The following PPARGC1A variants were observed in gnomAD, a reference collection of about 807,000 sequenced individuals.
PPARGC1A encodes the protein PPARG coactivator 1 alpha.
In PPARGC1A, 25 loss-of-function variants were observed where a neutral mutation model predicts 88.7. The observed-to-expected ratio is 0.28, with a 90% CI of 0.21 to 0.39. PPARGC1A has a LOEUF of 0.39. Ranked by LOEUF, PPARGC1A falls within the 10% of genes least tolerant of loss-of-function variation. The pLI, the probability that PPARGC1A is intolerant of heterozygous loss-of-function variation, is 1.00. For missense variants in PPARGC1A, 880 were observed against 968.7 expected (o/e 0.91, Z 1.22); for synonymous variants, 363 against 355.6 (o/e 1.02, Z -0.24).
the PPARGC1A span, among the ~76,000 whole-genome samples, chr4:23,951,428 C>G: frequency 3.3e-5 from 5 of 151,980 alleles, no homozygotes; most frequent in Non-Finnish European, 7.4e-5. Flanking sequence ...AACAACTCAC[C>G]CATGAATAGG....
the PPARGC1A span, among the ~76,000 whole-genome samples, chr4:23,950,782 C>T: frequency 6.6e-6 from 1 of 152,064 alleles, no homozygotes; most frequent in African/African-American, 2.4e-5. Context: ...ACTTAATCTG[C>T]CCTTTAGTCT....
intron 2 of PPARGC1A, among the ~76,000 whole-genome samples, chr4:23,844,854 TAATATATGATATATATTATATAC>T (rs1728001181): frequency 8.5e-6 from 1 of 117,584 alleles, no homozygotes; most frequent in Non-Finnish European, 1.7e-5. Flanking sequence ...TATATTATTA[TAATATATGATATATATTATATAC>T]ACACACACAC....
At chr4:24,186,443 C>A in the PPARGC1A span, among the ~76,000 whole-genome samples, 2 of 152,058 alleles carry the variant, frequency 1.3e-5, no homozygotes, top group African/African-American at 4.8e-5. Context: ...GGTTCAAATC[C>A]ATAATGTGCC....
chr4:24,280,619 C>T, the PPARGC1A span, among the ~76,000 whole-genome samples: 2 of 152,120 alleles, frequency 1.3e-5, no homozygotes, highest in African/African-American at 2.4e-5. Flanking sequence ...AAATAGTGGT[C>T]GGGAAGATAA....
the PPARGC1A span, among the ~76,000 whole-genome samples, chr4:24,286,136 T>C: frequency 1.3e-5 from 2 of 149,112 alleles, no homozygotes; most frequent in Non-Finnish European, 3.0e-5. Context: ...GGTGGGAAAA[T>C]ACCCACTACG....
At chr4:24,294,835 T>A in the PPARGC1A span, among the ~76,000 whole-genome samples, 1 of 152,222 alleles carries the variant, frequency 6.6e-6, no homozygotes, top group Non-Finnish European at 1.5e-5. Flanking sequence ...GCAAATCGTA[T>A]CCATAACTCT....
At chr4:23,913,183 T>C in the PPARGC1A span, among the ~76,000 whole-genome samples, 17,472 of 142,522 alleles carry the variant, frequency 0.12, 3,690 homozygotes, top group African/African-American at 0.43. Context: ...ATATATATCA[T>C]ATTATATATG....
At chr4:23,930,730 C>G in the PPARGC1A span, among the ~76,000 whole-genome samples, 1 of 152,254 alleles carries the variant, frequency 6.6e-6, no homozygotes, top group Non-Finnish European at 1.5e-5. Context: ...AAGGGACAAA[C>G]ACATGCAGGA....
the PPARGC1A span, among the ~76,000 whole-genome samples, chr4:24,054,085 C>T: frequency 6.6e-5 from 10 of 152,068 alleles, no homozygotes; most frequent in Admixed American, 5.9e-4. Context: ...ATGAGCTAAC[C>T]AGTGTTACTC....
At chr4:24,208,462 C>T in the PPARGC1A span, among the ~76,000 whole-genome samples, 1 of 151,992 alleles carries the variant, frequency 6.6e-6, no homozygotes, top group African/African-American at 2.4e-5. Context: ...CTAGCCAGGG[C>T]CACTATGTGT....
the PPARGC1A span, among the ~76,000 whole-genome samples, chr4:24,466,958 AAGAAAGAAAGAAAG>A: frequency 4.3e-5 from 5 of 117,430 alleles, no homozygotes; most frequent in South Asian, 3.1e-4. Flanking sequence ...GAAAAAAAGA[AAGAAAGAAAGAAAG>A]AGAAAGAAAG....
At chr4:23,808,893 CAAAG>C (rs1720363983) in intron 10 of PPARGC1A, among the ~76,000 whole-genome samples, 1 of 151,550 alleles carries the variant, frequency 6.6e-6, no homozygotes, top group South Asian at 2.1e-4. Flanking sequence ...GTAATGCAGA[CAAAG>C]GTTAAAAAGA....
the PPARGC1A span, among the ~76,000 whole-genome samples, chr4:24,089,505 C>CTTTT: frequency 1.5e-4 from 11 of 73,806 alleles, 2 homozygotes; most frequent in African/African-American, 4.3e-4. Flanking sequence ...CTTTTCTTTT[C>CTTTT]TTTTCTTTCT....
chr4:24,153,103 G>A, the PPARGC1A span, among the ~76,000 whole-genome samples: 1 of 152,148 alleles, frequency 6.6e-6, no homozygotes, highest in African/African-American at 2.4e-5. Context: ...TACAGGAGGC[G>A]AAATGCAGAA....
At chr4:24,106,315 A>G in the PPARGC1A span, among the ~76,000 whole-genome samples, 8 of 152,202 alleles carry the variant, frequency 5.3e-5, no homozygotes, top group Admixed American at 5.2e-4. Context: ...CACAAAGGCA[A>G]CAATCAACTG....
chr4:24,101,036 T>C, the PPARGC1A span, among the ~76,000 whole-genome samples: 1 of 152,202 alleles, frequency 6.6e-6, no homozygotes, highest in African/African-American at 2.4e-5. Flanking sequence ...CTATGATTTA[T>C]TTAATTTACT....
At chr4:24,117,497 C>A in the PPARGC1A span, among the ~76,000 whole-genome samples, 2 of 151,386 alleles carry the variant, frequency 1.3e-5, no homozygotes, top group Non-Finnish European at 2.9e-5. Context: ...TTTCAAAGGG[C>A]CTTCTAGTGG....
At chr4:24,120,584 G>T in the PPARGC1A span, among the ~76,000 whole-genome samples, 2 of 152,154 alleles carry the variant, frequency 1.3e-5, no homozygotes, top group African/African-American at 4.8e-5. Context: ...TTGAATGGCA[G>T]CTATGGTCTG....
At chr4:24,403,182 A>T in the PPARGC1A span, among the ~76,000 whole-genome samples, 9 of 152,208 alleles carry the variant, frequency 5.9e-5, no homozygotes, top group Admixed American at 4.6e-4. Context: ...CTTCCCCAAA[A>T]GGACACAATG....
Sources: allele counts gnomAD v4.1 joint callset (sites outside exome capture counted in the v4.1 genomes callset), GRCh38; gene constraint gnomAD v4.1.1; transcripts MANE v1.5; gene names NCBI Gene and HGNC (gene_info 2026-07-23, HGNC 2026-07-21).